EPHA6: variants seen among roughly 807,000 people sequenced by gnomAD.
The protein encoded by EPHA6 is EPH receptor A6.
EPHA6 carries 50 observed loss-of-function variants against 112.0 expected under a neutral mutation model. The observed-to-expected ratio is 0.45, with a 90% confidence interval of 0.36 to 0.56. The LOEUF (loss-of-function observed/expected upper bound fraction) is 0.56. Among genes scored for constraint, EPHA6 ranks in the 20% least tolerant of loss-of-function variants. EPHA6 has a pLI of 0.00. For missense variants in EPHA6, 1,280 were observed against 1,417.4 expected (o/e 0.90, Z 1.56); for synonymous variants, 529 against 490.7 (o/e 1.08, Z -1.03).
At chr3:97,662,797 G>C (rs893373940) in intron 14 of EPHA6, among the ~76,000 whole-genome samples, 1 of 152,148 alleles carries the variant, frequency 6.6e-6, no homozygotes, top group African/African-American at 2.4e-5. Flanking sequence ...TCCAAGTGAC[G>C]AGCTATGTAG....
chr3:97,555,010 A>G (rs1023695180), intron 11 of EPHA6, among the ~76,000 whole-genome samples: 1 of 151,632 alleles, frequency 6.6e-6, no homozygotes, highest in Admixed American at 6.6e-5. Flanking sequence ...TACATGTGCC[A>G]TGCTGGTGTG....
At chr3:96,920,102 G>T (rs1217324823) in intron 2 of EPHA6, among the ~76,000 whole-genome samples, 1 of 151,902 alleles carries the variant, frequency 6.6e-6, no homozygotes, top group Non-Finnish European at 1.5e-5. Context: ...AAAGGCAACA[G>T]AAGTCAATTT....
intron 3 of EPHA6, among the ~76,000 whole-genome samples, chr3:97,120,078 A>C (rs996835592): frequency 5.3e-5 from 8 of 152,010 alleles, no homozygotes; most frequent in African/African-American, 1.9e-4. Flanking sequence ...GTAGTTAGTT[A>C]TCTTCTTATG....
In EPHA6 at chr3:97,225,080, C is replaced by T. The variant is rs752775272; in HGVS notation, c.1115-1184C>T. Among the ~76,000 whole-genome samples, 251 of 152,214 alleles carry T rather than the reference C, an allele frequency of 1.6e-3. 1 individual carries two copies. Among genetic ancestry groups the T allele is most frequent in the Non-Finnish European group, 3.0e-3 (204 of 68,010 alleles). On this transcript the variant is annotated intron_variant, in intron 3 of 17. Coordinates refer to ENST00000389672, the MANE Select transcript of EPHA6 (RefSeq NM_001080448.3). ...ACGCCATTCTCCTGCCTCAGTCTCC[C>T]GAGTAGCTGGGACTACAGGCGCCCG...
chr3:96,902,359 G>C lies in EPHA6; in HGVS notation c.450+35470G>C, dbSNP rs567809902. On this transcript the variant is annotated intron_variant, in intron 2 of 17. Coordinates refer to ENST00000389672, the MANE Select transcript of EPHA6 (RefSeq NM_001080448.3). ...GTATTAGAATGATGGAGGAGTAAAA[G>C]GGGGAGAGACTATATGTAATTATCA... 2.0e-5 allele frequency among the ~76,000 whole-genome samples: 3 copies of C among 152,228 alleles called. No homozygotes were observed. The East Asian group carries it at 5.8e-4, about 29-fold the overall frequency.
At chr3:97,420,293 T>TAA (rs367582375) in intron 6 of EPHA6, among the ~76,000 whole-genome samples, 4 of 143,710 alleles carry the variant, frequency 2.8e-5, no homozygotes, top group African/African-American at 1.0e-4. Context: ...CTTTGATTCT[T>TAA]AAAAAAAAAA....
rs145147153 is a variant in EPHA6 at position 97,561,977 on chromosome 3, C to A, written c.2386+29434C>A. On this transcript the variant is annotated intron_variant, in intron 11 of 17. Transcript: ENST00000389672. ...TGCATGACAGCACATCTGTTTATAG[C>A]CTGGTTTACTAAATATTTTGAGGCT... Among the ~76,000 whole-genome samples the A allele has an allele frequency of 4.9e-3, 739 of 152,168 alleles. 4 individuals carry two copies. The highest frequency in any genetic ancestry group is 8.8e-3 in the Non-Finnish European group (600 of 67,962).
intron 14 of EPHA6, among the ~76,000 whole-genome samples, chr3:97,657,838 A>G (rs1398939439): frequency 3.3e-5 from 5 of 151,796 alleles, no homozygotes; most frequent in Admixed American, 6.6e-5. Flanking sequence ...GGAAATTCAG[A>G]TTTTTAATAA....
chr3:97,477,981 G>C (rs2091424813), intron 8 of EPHA6, among the ~76,000 whole-genome samples: 1 of 152,042 alleles, frequency 6.6e-6, no homozygotes, highest in Non-Finnish European at 1.5e-5. Flanking sequence ...AAGTTTCTTT[G>C]AAGGAGGGAG....
intron 2 of EPHA6, among the ~76,000 whole-genome samples, chr3:96,913,465 A>T (rs551703281): frequency 1.9e-4 from 29 of 152,084 alleles, no homozygotes; most frequent in Non-Finnish European, 4.0e-4. Flanking sequence ...GCTTCATCTT[A>T]CTTTGTGTTA....
At chr3:97,382,215 T>C (rs1450832003) in intron 5 of EPHA6, among the ~76,000 whole-genome samples, 1 of 152,010 alleles carries the variant, frequency 6.6e-6, no homozygotes, top group African/African-American at 2.4e-5. Flanking sequence ...CCAAGAAACA[T>C]AGCTTTTATA....
chr3:97,362,184 T>C (rs1037448069), intron 5 of EPHA6, among the ~76,000 whole-genome samples: 4 of 152,134 alleles, frequency 2.6e-5, no homozygotes, highest in Non-Finnish European at 4.4e-5. Context: ...CTTGGAGATT[T>C]ACATCTGTTT....
At chr3:97,550,651 A>G (rs2093017358) in intron 11 of EPHA6, among the ~76,000 whole-genome samples, 1 of 152,192 alleles carries the variant, frequency 6.6e-6, no homozygotes, top group South Asian at 2.1e-4. Context: ...TGGGCTTGGA[A>G]TGATGTCACC....
chr3:97,501,087 A>G (rs1322624412), intron 10 of EPHA6, among the ~76,000 whole-genome samples: 2 of 152,196 alleles, frequency 1.3e-5, no homozygotes, highest in Non-Finnish European at 2.9e-5. Flanking sequence ...GTATATAAGA[A>G]CATATTCAAA....
In EPHA6 at chr3:96,825,159, T is replaced by TA. The variant is rs763948568; in HGVS notation, c.385+10152dup. Among the ~76,000 whole-genome samples, 22 of 152,128 alleles carry TA rather than the reference T, an allele frequency of 1.4e-4. 1 individual carries two copies. Among genetic ancestry groups the TA allele is most frequent in the Non-Finnish European group, 2.7e-4 (18 of 67,914 alleles). On this transcript the variant is annotated intron_variant, in intron 1 of 17. Coordinates refer to ENST00000389672, the MANE Select transcript of EPHA6 (RefSeq NM_001080448.3). The stretch of plus-strand genomic sequence containing the variant: ...ATTTTAAAGTAACTGAATTAGTTTT[T>TA]ATGCGTTTAAAGATTAAAACTTATG...
chr3:97,337,398 C>T (rs1370015992), intron 5 of EPHA6, among the ~76,000 whole-genome samples: 4 of 152,142 alleles, frequency 2.6e-5, no homozygotes, highest in African/African-American at 7.2e-5. Flanking sequence ...ATTGGCCTGA[C>T]CCATTTACTA....
intron 10 of EPHA6, among the ~76,000 whole-genome samples, chr3:97,488,144 C>T (rs1490523443): frequency 6.6e-6 from 1 of 152,154 alleles, no homozygotes; most frequent in African/African-American, 2.4e-5. Context: ...TTAAATTTGA[C>T]CTTCCCTGTT....
chr3:97,414,734 C>T (rs949249647), intron 6 of EPHA6, among the ~76,000 whole-genome samples: 4 of 151,918 alleles, frequency 2.6e-5, no homozygotes, highest in African/African-American at 9.7e-5. Context: ...AAGCAAAGCC[C>T]CTTGCAACAG....
intron 10 of EPHA6, among the ~76,000 whole-genome samples, chr3:97,515,345 T>C (rs1199968762): frequency 6.6e-6 from 1 of 152,242 alleles, no homozygotes. Context: ...GTGTTTTATG[T>C]GCCTTTACTT....
Sources: gnomAD v4.1 joint callset for allele counts (sites outside exome capture counted in the v4.1 genomes callset) on GRCh38, gnomAD v4.1.1 for gene constraint, MANE v1.5 for transcripts, NCBI Gene and HGNC (gene_info 2026-07-23, HGNC 2026-07-21) for gene names.